Variants in KCTD2 observed in about 807,000 individuals in gnomAD.
The protein encoded by KCTD2 is potassium channel tetramerization domain containing 2, also known as BTB/POZ domain-containing protein KCTD2.
KCTD2 carries 18 observed loss-of-function variants against 27.9 expected under a neutral mutation model. That is an observed-to-expected ratio of 0.64 (90% CI 0.45 to 0.96). The LOEUF (loss-of-function observed/expected upper bound fraction) is 0.96, where lower values mean the gene tolerates loss of function less well. Among genes scored for constraint, KCTD2 ranks in the 40% least tolerant of loss-of-function variants. The probability of loss-of-function intolerance (pLI) is 0.00; values close to 1 mark genes in which losing one functional copy is unlikely to be tolerated. For missense variants in KCTD2, 280 were observed against 348.0 expected, an observed-to-expected ratio of 0.80 and a Z score of 1.56; for synonymous variants, 175 against 148.4, an observed-to-expected ratio of 1.18 and a Z score of -1.30.
At chr17:75,038,814 G>T (rs373969865) in intron 3 of KCTD2, 3 of 1,250,058 alleles carry the variant, frequency 2.4e-6, no homozygotes, top group South Asian at 3.2e-5. Context: ...GGCCAGCTCA[G>T]AAGAGAGGCT....
upstream of KCTD2, among the ~76,000 whole-genome samples, chr17:75,044,657 A>G (rs1032269883): frequency 6.6e-6 from 1 of 152,146 alleles, no homozygotes; most frequent in Admixed American, 6.6e-5. Context: ...TTTAAGAGGT[A>G]TTCAACACAT....
At chr17:75,062,266 G>T (rs1188334033) in intron 5 of KCTD2, 21 bp downstream of exon 5, 3 of 1,604,002 alleles carry the variant, frequency 1.9e-6, no homozygotes, top group Non-Finnish European at 2.6e-6. Context: ...CCTTCCCTGG[G>T]CAGTTGCCTC....
Position 75,037,345 on chromosome 17 carries a change from GAAAAAAAA to G in KCTD2, c.-259+2000_-259+2007del, listed in dbSNP as rs56310455. Among the ~76,000 whole-genome samples the G allele has an allele frequency of 7.8e-4, 66 of 84,710 alleles. 1 individual carries two copies. The East Asian group carries it at 0.015, about 20-fold the overall frequency. 55.6% of individuals were successfully genotyped at this position (84,710 alleles called of 152,430 possible). On this transcript the variant is annotated intron_variant, in intron 3 of 7. Transcript: ENST00000581589. ...GGCGACAAAGCAAGATTCCATATCA[GAAAAAAAA>G]AAAAAAAAAAAGAAATGGCAGAAAT... is the stretch of plus-strand genomic sequence containing the variant.
At chr17:75,057,915 C>T (rs2073365511) in intron 3 of KCTD2, among the ~76,000 whole-genome samples, 1 of 152,116 alleles carries the variant, frequency 6.6e-6, no homozygotes, top group African/African-American at 2.4e-5. Context: ...GCATTGTCGG[C>T]CGGACACAGT....
chr17:75,046,129 CTGGAG>C (rs2073213598), upstream of KCTD2, among the ~76,000 whole-genome samples: 1 of 152,170 alleles, frequency 6.6e-6, no homozygotes, highest in African/African-American at 2.4e-5. Flanking sequence ...GTCGCCTGGG[CTGGAG>C]TGTAGTGGCG....
chr17:75,035,088 T>G (rs904492489), intron 2 of KCTD2: 1 of 151,970 alleles, frequency 6.6e-6, no homozygotes. Flanking sequence ...CAAATTGGCC[T>G]CTCTAGGAGG....
chr17:75,062,914 T>C lies in KCTD2; in HGVS notation c.763-104T>C, dbSNP rs969502117. On this transcript the variant is annotated intron_variant, in intron 5 of 5. Coordinates refer to ENST00000322444, the MANE Select transcript of KCTD2 (RefSeq NM_015353.3). ...CTGCACCCCTGCTTGCTTCCTGGGA[T>C]GACAGGACCATCATGCCACTCATCG... The C allele has an allele frequency of 7.2e-6, 9 of 1,241,588 alleles. No individual in the cohort carries two copies. In the Admixed American group the frequency reaches 1.1e-4, roughly 15 times the overall value. 76.9% of individuals were successfully genotyped at this position (1,241,588 alleles called of 1,614,324 possible). A position where few individuals can be genotyped will look rare whatever the true frequency, so the allele number is the denominator to read the frequency against.
At chr17:75,055,870 A>C (rs1467850389) in intron 3 of KCTD2, among the ~76,000 whole-genome samples, 1 of 150,534 alleles carries the variant, frequency 6.6e-6, no homozygotes, top group Non-Finnish European at 1.5e-5. Context: ...CTGTCTACTA[A>C]AAATACGAAA....
chr17:75,034,461 C>T (rs949497267), intron 2 of KCTD2, among the ~76,000 whole-genome samples: 1 of 152,216 alleles, frequency 6.6e-6, no homozygotes, highest in Non-Finnish European at 1.5e-5. Context: ...CCCACAATCC[C>T]TGGCTTAGGA....
chr17:75,050,947 C>A (rs2073277587), intron 2 of KCTD2, among the ~76,000 whole-genome samples: 1 of 147,706 alleles, frequency 6.8e-6, no homozygotes, highest in East Asian at 2.0e-4. Context: ...TGAGTAGCTG[C>A]GATTATAGGC....
rs2073262017 is a variant in KCTD2, at chr17:75,049,346, A to G, written c.448+18A>G. 5 of 1,415,508 alleles carry G rather than the reference A, an allele frequency of 3.5e-6. No homozygotes were observed. The highest frequency in any genetic ancestry group is 4.9e-6 in the Non-Finnish European group (5 of 1,011,124). 87.7% of individuals were successfully genotyped at this position (1,415,508 alleles called of 1,614,324 possible). A position where few individuals can be genotyped will look rare whatever the true frequency, so the allele number is the denominator to read the frequency against. On this transcript the variant is annotated intron_variant, in intron 2 of 5. Coordinates refer to ENST00000322444, the MANE Select transcript of KCTD2 (RefSeq NM_015353.3). ...AGAAGAAGGTAAGCGCACTGTTTGC[A>G]TTGGGGATTTTCAAAATGCAAGTAG...
chr17:75,033,901 C>T (rs1269215676), intron 1 of KCTD2: 2 of 152,428 alleles, frequency 1.3e-5, no homozygotes, highest in African/African-American at 2.4e-5. Context: ...GGCCACGTGC[C>T]CCAAGCCCCA....
In KCTD2 at chr17:75,065,474, A is replaced by T. The variant is rs994914670; in HGVS notation, c.*2427A>T. 7 of 152,384 alleles carry T rather than the reference A, an allele frequency of 4.6e-5. No individual in the cohort carries two copies. Among genetic ancestry groups the T allele is most frequent in the Non-Finnish European group, 1.0e-4 (7 of 68,236 alleles). 9.4% of individuals were successfully genotyped at this position (152,384 alleles called of 1,614,324 possible). A position where few individuals can be genotyped will look rare whatever the true frequency, so the allele number is the denominator to read the frequency against. On this transcript the variant is annotated 3_prime_UTR_variant, in exon 6 of 6. Coordinates refer to ENST00000322444, the MANE Select transcript of KCTD2 (RefSeq NM_015353.3). ...TGCTGCCCAGTACTGCCAAGTGGGG[A>T]GGGTCCTGCCTTTTTCTCTGCCCCA...
upstream of KCTD2, among the ~76,000 whole-genome samples, chr17:75,045,510 C>T (rs1424489711): frequency 6.6e-6 from 1 of 152,204 alleles, no homozygotes; most frequent in African/African-American, 2.4e-5. Flanking sequence ...CCCAGGGGGG[C>T]CAGTTCAGAG....
chr17:75,060,693 G>T (rs766421770), intron 4 of KCTD2: 31 of 1,290,942 alleles, frequency 2.4e-5, no homozygotes, highest in Non-Finnish European at 3.1e-5. Flanking sequence ...CTGCACTCAG[G>T]GTCTCGGTCG....
rs1261720059 is a variant in KCTD2, at chr17:75,047,283, G to A, written c.33G>A (p.Ala11=). The A allele has an allele frequency of 1.8e-6, 2 of 1,128,582 alleles. No individual in the cohort carries two copies. Among genetic ancestry groups the A allele is most frequent in the Non-Finnish European group, 2.2e-6 (2 of 904,280 alleles). The allele number at this position is 1,128,582 out of a possible 1,614,324, so 69.9% of individuals were successfully genotyped here. A position where few individuals can be genotyped will look rare whatever the true frequency, so the allele number is the denominator to read the frequency against. MAELQLDPAM[A]GLGGGGGSGV... is the part of the protein sequence containing the mutation. ...AACTGCAGCTGGACCCGGCGATGGCGGGGCTGGGAGGGGGCGGCGGGAGTG... is the reference window on the plus strand; with the variant it reads ...AACTGCAGCTGGACCCGGCGATGGCAGGGCTGGGAGGGGGCGGCGGGAGTG... The change falls in exon 1 of 6, where the codon GCG becomes GCA. Residue 11 remains alanine, a synonymous_variant. Transcript: ENST00000322444.
intron 3 of KCTD2, chr17:75,038,822 G>C (rs1249363373): frequency 2.3e-6 from 3 of 1,295,998 alleles, no homozygotes; most frequent in African/African-American, 1.5e-5. Context: ...CAGAAGAGAG[G>C]CTTAATTATC....
intron 3 of KCTD2, chr17:75,035,964 ACTACT>A: frequency 2.3e-6 from 1 of 430,690 alleles, no homozygotes; most frequent in Non-Finnish European, 4.7e-6. Context: ...CCACCACCCC[ACTACT>A]CTGTGCTTGG....
At chr17:75,039,330 G>T in intron 3 of KCTD2, 1 of 1,502,606 alleles carries the variant, frequency 6.7e-7, no homozygotes, top group Non-Finnish European at 9.2e-7. Context: ...CCCAGCAGCT[G>T]CTAAGGTAGG....
Sources: gnomAD v4.1 joint callset for allele counts (sites outside exome capture counted in the v4.1 genomes callset) on GRCh38, gnomAD v4.1.1 for gene constraint, MANE v1.5 for transcripts, NCBI Gene and HGNC (gene_info 2026-07-23, HGNC 2026-07-21) for gene names.